The following HIVEP2 variants were observed in gnomAD, a reference collection of about 807,000 sequenced individuals.
HIVEP2 encodes transcription factor HIVEP2.
A neutral mutation model predicts 180.7 loss-of-function variants in HIVEP2; 14 were observed. The ratio of observed to expected loss-of-function variants is 0.08; its 90% confidence interval spans 0.05 to 0.12. The LOEUF is 0.12. Among genes scored for constraint, HIVEP2 ranks in the 10% least tolerant of loss-of-function variants. The pLI is 1.00. For synonymous variants in HIVEP2, 1,184 were observed against 1,136.4 expected (o/e 1.04, Z -0.84); for missense variants, 2,579 against 3,008.5 (o/e 0.86, Z 3.34).
At chr6:142,754,091 G>A (rs7750095) in intron 9 of HIVEP2, among the ~76,000 whole-genome samples, 160 bp from the exon 10 acceptor site, 35,646 of 152,126 alleles carry the variant, frequency 0.23, 4,369 homozygotes, top group Middle Eastern at 0.29. Flanking sequence ...CAAGACAAAA[G>A]AGATTTCTCT....
In HIVEP2 at chr6:142,938,876, C is replaced by CT. The variant is rs1403092185; in HGVS notation, c.-641+6222dup. Among the ~76,000 whole-genome samples, 26 of 152,210 alleles carry CT rather than the reference C, an allele frequency of 1.7e-4. 1 individual carries two copies. Among genetic ancestry groups the CT allele is most frequent in the Non-Finnish European group, 5.9e-5 (4 of 68,040 alleles). ...TGCATTTCAAATACACTGCACTACA[C>CT]TATCTGTCCAGTATTGTAATGATTT... On this transcript the variant is annotated intron_variant, in intron 1 of 9. Transcript: ENST00000367603.
intron 1 of HIVEP2, among the ~76,000 whole-genome samples, chr6:142,894,482 T>C (rs1364879108): frequency 6.6e-6 from 1 of 152,204 alleles, no homozygotes; most frequent in Non-Finnish European, 1.5e-5. Context: ...TAAAAGTAGA[T>C]GATCCATAAA....
chr6:142,891,523 G>A (rs1050449197), intron 1 of HIVEP2, among the ~76,000 whole-genome samples: 4 of 152,070 alleles, frequency 2.6e-5, no homozygotes, highest in Non-Finnish European at 5.9e-5. Flanking sequence ...ACCATTTATA[G>A]ATAAGGAAAC....
chr6:142,843,885 CAT>C (rs1775436656), intron 1 of HIVEP2, among the ~76,000 whole-genome samples: 1 of 152,138 alleles, frequency 6.6e-6, no homozygotes, highest in East Asian at 1.9e-4. Flanking sequence ...CTTTGGTTAA[CAT>C]ATGTCTTTAA....
chr6:142,867,859 T>C (rs1776180277), intron 1 of HIVEP2, among the ~76,000 whole-genome samples: 1 of 152,192 alleles, frequency 6.6e-6, no homozygotes, highest in Non-Finnish European at 1.5e-5. Flanking sequence ...GGATCCCATA[T>C]GAATTTCTTG....
chr6:142,910,907 C>T (rs555883312), intron 1 of HIVEP2, among the ~76,000 whole-genome samples: 19 of 152,092 alleles, frequency 1.2e-4, no homozygotes, highest in Non-Finnish European at 2.6e-4. Flanking sequence ...GTGCATGATA[C>T]AGCTTGAATC....
chr6:142,809,321 G>A (rs776411488), intron 2 of HIVEP2, among the ~76,000 whole-genome samples: 6 of 151,924 alleles, frequency 3.9e-5, no homozygotes, highest in Admixed American at 6.6e-5. Flanking sequence ...GAGAACACTC[G>A]CCCTGCCTCA....
rs1399668001 is a variant in HIVEP2 at position 142,917,033 on chromosome 6, T to C, written c.-641+28066A>G. On this transcript the variant is annotated intron_variant, in intron 1 of 9. Transcript: ENST00000367603. ...GCTGGTTTACTGTATGTTAACTATATTTTAAATGCACTTCTTCTAATATTG... is the reference window on the plus strand; with the variant it reads ...GCTGGTTTACTGTATGTTAACTATACTTTAAATGCACTTCTTCTAATATTG... Among the ~76,000 whole-genome samples, 5 of 152,356 alleles carry C rather than the reference T, an allele frequency of 3.3e-5. No individual in the cohort carries two copies. In the East Asian group the frequency reaches 9.6e-4, roughly 29 times the overall value.
At chr6:142,768,628 C>T (rs925508388) in intron 5 of HIVEP2, 92 bp from the exon 6 acceptor site, 61 of 1,331,446 alleles carry the variant, frequency 4.6e-5, no homozygotes, top group Non-Finnish European at 3.0e-5. Context: ...TGAAAATGAG[C>T]CTAAATTCTG....
At chr6:142,813,261 T>C (rs1057179741) in intron 2 of HIVEP2, among the ~76,000 whole-genome samples, 3 of 152,194 alleles carry the variant, frequency 2.0e-5, no homozygotes, top group Admixed American at 6.5e-5. Context: ...ATTATATTAA[T>C]GCAATCAAAA....
At chr6:142,926,964 G>C (rs1328358451) in intron 1 of HIVEP2, among the ~76,000 whole-genome samples, 1 of 151,768 alleles carries the variant, frequency 6.6e-6, no homozygotes, top group Non-Finnish European at 1.5e-5. Context: ...TCAGCGGACG[G>C]GGGGCCAAAG....
intron 1 of HIVEP2, among the ~76,000 whole-genome samples, chr6:142,896,486 G>C (rs1300887828): frequency 6.6e-6 from 1 of 152,046 alleles, no homozygotes; most frequent in Non-Finnish European, 1.5e-5. Flanking sequence ...TCACAGGCTG[G>C]GCTACTTCTG....
intron 1 of HIVEP2, among the ~76,000 whole-genome samples, chr6:142,915,836 A>G (rs952535409): frequency 5.3e-5 from 8 of 152,164 alleles, no homozygotes; most frequent in Non-Finnish European, 8.8e-5. Context: ...CCCTTCCTCC[A>G]GACTCCTATG....
chr6:142,763,662 T>C (rs1775309064), intron 7 of HIVEP2, among the ~76,000 whole-genome samples: 1 of 152,232 alleles, frequency 6.6e-6, no homozygotes, highest in South Asian at 2.1e-4. Flanking sequence ...CAATATTCCC[T>C]GAAACCAAAG....
intron 1 of HIVEP2, among the ~76,000 whole-genome samples, chr6:142,873,960 C>T (rs1383521420): frequency 6.6e-6 from 1 of 152,126 alleles, no homozygotes; most frequent in Non-Finnish European, 1.5e-5. Flanking sequence ...GTTAGCATGA[C>T]TTCGGTCTGA....
chr6:142,853,724 T>C (rs1406654836), intron 1 of HIVEP2, among the ~76,000 whole-genome samples: 1 of 152,044 alleles, frequency 6.6e-6, no homozygotes, highest in Non-Finnish European at 1.5e-5. Flanking sequence ...AAAGTAAGAA[T>C]AGCAAGACAC....
At chr6:142,844,185 A>T (rs1054953547) in intron 1 of HIVEP2, among the ~76,000 whole-genome samples, 2 of 152,146 alleles carry the variant, frequency 1.3e-5, no homozygotes, top group Non-Finnish European at 2.9e-5. Context: ...ATCTTAAAAG[A>T]GTTTTTCCTA....
intron 2 of HIVEP2, among the ~76,000 whole-genome samples, chr6:142,791,301 A>C (rs1776131577): frequency 6.6e-6 from 1 of 152,172 alleles, no homozygotes; most frequent in Admixed American, 6.6e-5. Flanking sequence ...ATATGATCAA[A>C]AATGGCTTGA....
At chr6:142,784,881 C>CTCTA (rs1040703817) in intron 2 of HIVEP2, among the ~76,000 whole-genome samples, 1 of 151,984 alleles carries the variant, frequency 6.6e-6, no homozygotes, top group Non-Finnish European at 1.5e-5. Flanking sequence ...TTAACTATAT[C>CTCTA]TCTATCTATC....
Sources: allele counts gnomAD v4.1 joint callset (sites outside exome capture counted in the v4.1 genomes callset), GRCh38; gene constraint gnomAD v4.1.1; transcripts MANE v1.5; gene names NCBI Gene and HGNC (gene_info 2026-07-23, HGNC 2026-07-21).